Variants in PALM2AKAP2 observed in about 807,000 individuals in gnomAD.
PALM2AKAP2 encodes the protein PALM2 and AKAP2 fusion.
In PALM2AKAP2, 37 loss-of-function variants were observed where a neutral mutation model predicts 71.5. The ratio of observed to expected loss-of-function variants is 0.52; its 90% CI spans 0.40 to 0.68. The LOEUF (loss-of-function observed/expected upper bound fraction) is 0.68, where lower values mean the gene tolerates loss of function less well. PALM2AKAP2 is among the 30% of genes least tolerant of loss of function. The pLI, the probability that PALM2AKAP2 is intolerant of heterozygous loss-of-function variation, is 0.00. For missense variants in PALM2AKAP2, 1,224 were observed against 1,191.8 expected (o/e 1.03, Z -0.40); for synonymous variants, 468 against 478.8 (o/e 0.98, Z 0.29).
intron 2 of PALM2AKAP2, among the ~76,000 whole-genome samples, chr9:110,143,632 G>C (rs1190973002): frequency 2.6e-5 from 4 of 152,190 alleles, no homozygotes; most frequent in Admixed American, 6.5e-5. Context: ...TTTAGTATCT[G>C]TGTCTATTAT....
At chr9:109,641,312 G>A (rs1246409728) in intron 1 of PALM2AKAP2, among the ~76,000 whole-genome samples, 1 of 152,206 alleles carries the variant, frequency 6.6e-6, no homozygotes, top group African/African-American at 2.4e-5. Context: ...AGCGTGTAAT[G>A]GAAGGATGAG....
At chr9:109,966,788 G>C (rs1165633567) in intron 6 of PALM2AKAP2, among the ~76,000 whole-genome samples, 2 of 152,220 alleles carry the variant, frequency 1.3e-5, no homozygotes, top group African/African-American at 4.8e-5. Context: ...ATGTTTGGCA[G>C]TCTTGTGAAA....
chr9:110,096,917 C>T (rs1395515222), intron 1 of PALM2AKAP2, among the ~76,000 whole-genome samples: 1 of 150,100 alleles, frequency 6.7e-6, no homozygotes, highest in Non-Finnish European at 1.5e-5. Context: ...AACAGAATCA[C>T]AGAATTTTCT....
chr9:110,048,641 G>A (rs977889403), upstream of PALM2AKAP2: 412 of 1,453,254 alleles, frequency 2.8e-4, 1 homozygote, highest in Non-Finnish European at 3.5e-4. Context: ...CGGGCCCCAG[G>A]AGCAGGCGGG....
chr9:110,058,374 G>A (rs969299882), intron 1 of PALM2AKAP2, among the ~76,000 whole-genome samples: 3 of 152,150 alleles, frequency 2.0e-5, no homozygotes, highest in African/African-American at 7.2e-5. Flanking sequence ...TTCTAAGCAT[G>A]TACTGAGTAC....
intron 6 of PALM2AKAP2, among the ~76,000 whole-genome samples, chr9:109,996,362 A>G (rs1270259031): frequency 1.3e-5 from 2 of 152,270 alleles, no homozygotes; most frequent in East Asian, 3.8e-4. Flanking sequence ...TTAAGCTATT[A>G]GTTCTCTAAC....
chr9:110,045,256 T>A (rs1833576534), upstream of PALM2AKAP2, among the ~76,000 whole-genome samples: 2 of 152,202 alleles, frequency 1.3e-5, no homozygotes. Flanking sequence ...CACGTTCGAG[T>A]TATATTTCTC....
intron 1 of PALM2AKAP2, among the ~76,000 whole-genome samples, chr9:109,739,792 T>A (rs1457535499): frequency 6.6e-6 from 1 of 152,210 alleles, no homozygotes; most frequent in South Asian, 2.1e-4. Context: ...AGAAACTCCA[T>A]GCCTGGCCCT....
intron 7 of PALM2AKAP2, among the ~76,000 whole-genome samples, chr9:110,035,255 A>G (rs928305102): frequency 6.6e-5 from 8 of 121,996 alleles, no homozygotes; most frequent in Admixed American, 4.0e-4. Context: ...ATTATATTAT[A>G]TACACACATA....
rs1832973028 is a variant in PALM2AKAP2, at chr9:110,015,953, G to A, written c.497-1G>A. On this transcript the variant is annotated splice_acceptor_variant, in intron 6 of 9. Coordinates refer to the PALM2AKAP2 transcript ENST00000302798. LOFTEE classifies it high-confidence loss of function. ...AATGGCACTTCTTTTTTTTCTTTCA[G>A]GAGTCGGGTGGGAGAATGTGCTGCT... 6.2e-7 allele frequency: 1 copy of A among 1,613,530 alleles called. No individual in the cohort carries two copies. Among genetic ancestry groups the A allele is most frequent in the Non-Finnish European group, 8.5e-7 (1 of 1,179,882 alleles).
At chr9:110,051,685 G>A (rs1833713647) in intron 1 of PALM2AKAP2, among the ~76,000 whole-genome samples, 1 of 152,128 alleles carries the variant, frequency 6.6e-6, no homozygotes, top group Non-Finnish European at 1.5e-5. Flanking sequence ...AGACTGTTTA[G>A]TTCCAGTCTT....
intron 1 of PALM2AKAP2, among the ~76,000 whole-genome samples, chr9:109,677,590 C>T (rs1827666269): frequency 1.3e-5 from 2 of 151,898 alleles, no homozygotes; most frequent in South Asian, 4.2e-4. Context: ...ATCACTTGAA[C>T]CCAGGAGGCA....
chr9:109,789,625 C>T (rs868696628), intron 1 of PALM2AKAP2, among the ~76,000 whole-genome samples: 1 of 152,170 alleles, frequency 6.6e-6, no homozygotes, highest in Non-Finnish European at 1.5e-5. Context: ...CTGCACTGTA[C>T]AGGATGAGGC....
rs769576571 is a variant in PALM2AKAP2 at position 110,048,734 on chromosome 9, T to C, written c.35T>C (p.Leu12Pro). The change falls in exon 1 of 4, where the codon CTT becomes CCT. Residue 12 changes from leucine (L) to proline (P), a missense_variant. By Grantham distance (98) the Leu-to-Pro change is moderately conservative. Coordinates refer to ENST00000374525, the Ensembl canonical transcript of PALM2AKAP2. ...CCCCAGCCCGGGGCTGCCGCTCGCC[T>C]TCCCCCGGAGTCTCCTGGACCCCCG... 28 of 1,539,562 alleles carry C rather than the reference T, an allele frequency of 1.8e-5. No homozygotes were observed. The East Asian group carries it at 5.1e-4, about 28-fold the overall frequency.
chr9:109,943,453 G>A (rs774280146), intron 6 of PALM2AKAP2: 5 of 1,579,904 alleles, frequency 3.2e-6, no homozygotes, highest in Admixed American at 1.8e-5. Flanking sequence ...TTTCTTCTGG[G>A]CAGCCTGTAC....
intron 6 of PALM2AKAP2, among the ~76,000 whole-genome samples, chr9:109,934,002 C>T (rs1831167928): frequency 6.6e-6 from 1 of 152,168 alleles, no homozygotes; most frequent in Non-Finnish European, 1.5e-5. Flanking sequence ...TTTATATAAC[C>T]TCAGGGACAT....
intron 1 of PALM2AKAP2, among the ~76,000 whole-genome samples, chr9:109,853,171 C>G (rs538594413): frequency 6.6e-6 from 1 of 152,126 alleles, no homozygotes; most frequent in African/African-American, 2.4e-5. Flanking sequence ...AGCTTCCCCC[C>G]AGGGTTATAG....
chr9:110,124,821 A>G (rs2082527302), intron 1 of PALM2AKAP2, among the ~76,000 whole-genome samples: 1 of 152,198 alleles, frequency 6.6e-6, no homozygotes, highest in African/African-American at 2.4e-5. Context: ...TAGCCACTTA[A>G]AACATATCTT....
chr9:109,662,095 A>G (rs1443969891), intron 1 of PALM2AKAP2, among the ~76,000 whole-genome samples: 4 of 151,028 alleles, frequency 2.6e-5, no homozygotes, highest in South Asian at 2.1e-4. Context: ...CTAAATATAC[A>G]ATCATGTCAT....
Sources: allele counts gnomAD v4.1 joint callset (sites outside exome capture counted in the v4.1 genomes callset), GRCh38; gene constraint gnomAD v4.1.1; transcripts MANE v1.5; gene names NCBI Gene and HGNC (gene_info 2026-07-23, HGNC 2026-07-21).